IL18: variants seen among roughly 807,000 people sequenced by gnomAD.
IL18 encodes interleukin 18, also known as interleukin-18.
IL18 carries 8 observed loss-of-function variants against 14.2 expected under a neutral mutation model. That is an observed-to-expected ratio of 0.56 (90% CI 0.33 to 1.01). The LOEUF is 1.01. IL18 is among the 50% of genes least tolerant of loss of function. IL18 has a pLI of 0.03. For synonymous variants in IL18, 67 were observed against 71.0 expected (o/e 0.94, Z 0.28); for missense variants, 166 against 231.1 (o/e 0.72, Z 1.83).
chr11:112,150,869 T>C (rs1417415456), intron 3 of IL18: 1 of 152,278 alleles, frequency 6.6e-6, no homozygotes, highest in Non-Finnish European at 1.5e-5. Flanking sequence ...AATGATTTCC[T>C]GCTACTCCAC....
At chr11:112,153,936 A>AAAGTCAAC (rs1194667014) in intron 2 of IL18, among the ~76,000 whole-genome samples, 1 of 152,154 alleles carries the variant, frequency 6.6e-6, no homozygotes. Context: ...TCACCTAAGA[A>AAAGTCAAC]AAGTCAACTA....
intron 5 of IL18, among the ~76,000 whole-genome samples, chr11:112,147,854 T>C (rs1186260841): frequency 2.6e-5 from 4 of 152,344 alleles, no homozygotes; most frequent in African/African-American, 7.2e-5. Context: ...CTCTGAAGCA[T>C]TGCCAATTTG....
At position 112,143,630 on chromosome 11, in the gene IL18, C is replaced by G. The variant is rs1447899521; in HGVS notation, c.548G>C (p.Arg183Thr). The G allele has an allele frequency of 1.2e-6, 2 of 1,612,372 alleles. No homozygotes were observed. The highest frequency in any genetic ancestry group is 1.7e-6 in the Non-Finnish European group (2 of 1,178,940). Residue 183 changes from arginine (R) to threonine (T), a missense_variant, in exon 6 of 6, where the codon AGA becomes ACA. Physicochemically the swap from Arg to Thr is moderately conservative, Grantham distance 71 (BLOSUM62 -1). Coordinates refer to ENST00000280357, the MANE Select transcript of IL18 (RefSeq NM_001562.4). ...GTTTTGAACAGTGAACATTATAGATCTATCCCCCAATTCATCCTCTTTTTT... is the reference window on the plus strand; with the variant it reads ...GTTTTGAACAGTGAACATTATAGATGTATCCCCCAATTCATCCTCTTTTTT... The part of the protein sequence containing the change: ...ILKKEDELGD[R>T]SIMFTVQNED
At chr11:112,148,511 C>T (rs1004642225) in intron 5 of IL18, 92 bp downstream of exon 5, 69 of 644,250 alleles carry the variant, frequency 1.1e-4, no homozygotes, top group Admixed American at 5.4e-4. Context: ...TTTCTAATTA[C>T]ATTACTTATA....
intron 5 of IL18, among the ~76,000 whole-genome samples, chr11:112,145,800 G>A (rs1299472156): frequency 6.6e-6 from 1 of 152,060 alleles, no homozygotes; most frequent in African/African-American, 2.4e-5. Context: ...CGAGAGTGTG[G>A]ATAGGTAGAA....
rs569804667 is a variant in IL18 at position 112,149,300 on chromosome 11, TCAAA to T, written c.227-568_227-565del. The stretch of plus-strand genomic sequence containing the variant: ...CTGGGTGACAGAGTGAAACTGCATC[TCAAA>T]CAAACAAACAACCCCACAGTTTAAT... On this transcript the variant is annotated intron_variant, in intron 4 of 5. Transcript: ENST00000280357. Among the ~76,000 whole-genome samples, 399 of 150,194 alleles carry T rather than the reference TCAAA, an allele frequency of 2.7e-3. 2 individuals are homozygous for T. Among genetic ancestry groups the T allele is most frequent in the African/African-American group, 9.3e-3 (381 of 41,038 alleles).
At chr11:112,154,712 G>T (rs2135318615) in intron 2 of IL18, among the ~76,000 whole-genome samples, 1 of 152,298 alleles carries the variant, frequency 6.6e-6, no homozygotes, top group East Asian at 1.9e-4. Context: ...CATGAAAACT[G>T]GGATTTTCAT....
intron 5 of IL18, among the ~76,000 whole-genome samples, chr11:112,145,567 G>A (rs1438346321): frequency 1.3e-5 from 2 of 151,936 alleles, no homozygotes. Context: ...GTGAAACCCC[G>A]TCTCTACTAA....
chr11:112,148,671 C>A lies in IL18; in HGVS notation c.292G>T (p.Val98Leu). 6.6e-7 allele frequency: 1 copy of A among 1,507,154 alleles called. No homozygotes were observed. The highest frequency in any genetic ancestry group is 8.9e-7 in the Non-Finnish European group (1 of 1,117,412). 93.4% of individuals were successfully genotyped at this position (1,507,154 alleles called of 1,614,324 possible). ...TTCTCACACTTCACAGAGATAGTTA[C>A]AGCCATACCTCTAGGCTGGCTATCT... is the stretch of plus-strand genomic sequence containing the variant. The part of the protein sequence containing the change: ...YKDSQPRGMA[V>L]TISVKCEKIS... The change falls in exon 5 of 6, where the codon GTA (valine) becomes TTA (leucine). Residue 98 changes from valine (V) to leucine (L), a missense_variant. Physicochemically the swap from Val to Leu is conservative, Grantham distance 32 (BLOSUM62 1). Transcript: ENST00000280357.
At chr11:112,163,680 A>G (rs1439319277) in intron 1 of IL18, among the ~76,000 whole-genome samples, 3 of 152,194 alleles carry the variant, frequency 2.0e-5, no homozygotes, top group African/African-American at 7.2e-5. Flanking sequence ...GTGTAAAGGG[A>G]ACATGAGAGC....
chr11:112,162,415 C>G (rs1433543715), intron 1 of IL18, among the ~76,000 whole-genome samples: 2 of 150,340 alleles, frequency 1.3e-5, no homozygotes, highest in African/African-American at 4.9e-5. Context: ...GCAAACATGG[C>G]TCACTGTAGC....
chr11:112,153,729 G>C (rs1866486585), intron 2 of IL18, 126 bp from the exon 3 acceptor site: 1 of 587,522 alleles, frequency 1.7e-6, no homozygotes. Flanking sequence ...ATGGTTTAAG[G>C]GTCTGTCTTG....
chr11:112,150,170 G>C lies in IL18; in HGVS notation c.128C>G (p.Ser43Cys). ...CAAATTTCTTATGACTGATAATTTA[G>C]ATTCAAGCTTGCCAAAGTAATCTGA... ...LESDYFGKLE[S>C]KLSVIRNLND... The change falls in exon 4 of 6, where the codon TCT becomes TGT. Residue 43 changes from serine (S) to cysteine (C), a missense_variant. Ser to Cys is a moderately radical substitution (Grantham distance 112). Coordinates refer to ENST00000280357, the MANE Select transcript of IL18 (RefSeq NM_001562.4). 2 of 1,592,380 alleles carry C rather than the reference G, an allele frequency of 1.3e-6. No individual in the cohort carries two copies. Among genetic ancestry groups the C allele is most frequent in the Non-Finnish European group, 1.7e-6 (2 of 1,161,720 alleles).
At chr11:112,153,219 G>C (rs771397624) in intron 3 of IL18, 10 of 172,844 alleles carry the variant, frequency 5.8e-5, no homozygotes, top group Non-Finnish European at 1.2e-4. Context: ...AAGCATTTCT[G>C]AGAGGAGGTG....
Position 112,143,820 on chromosome 11 carries a change from A to G in IL18, c.361-3T>C, listed in dbSNP as rs760993192. ...ATGTTATCAGGAGGATTCATTTCCTATAGAGAAAAAAACATTACCTAATTA... is the reference window on the plus strand; with the variant it reads ...ATGTTATCAGGAGGATTCATTTCCTGTAGAGAAAAAAACATTACCTAATTA... On this transcript the variant is annotated splice_region_variant and splice_polypyrimidine_tract_variant and intron_variant, in intron 5 of 5. Coordinates refer to ENST00000280357, the MANE Select transcript of IL18 (RefSeq NM_001562.4). The G allele has an allele frequency of 1.3e-6, 2 of 1,550,854 alleles. No individual in the cohort carries two copies. Among genetic ancestry groups the G allele is most frequent in the East Asian group, 2.3e-5 (1 of 44,424 alleles).
At chr11:112,152,344 CTA>C (rs746314239) in intron 3 of IL18, among the ~76,000 whole-genome samples, 1 of 152,192 alleles carries the variant, frequency 6.6e-6, no homozygotes, top group Non-Finnish European at 1.5e-5. Context: ...CAGCACTCCC[CTA>C]TGTCTACCTT....
intron 4 of IL18, among the ~76,000 whole-genome samples, chr11:112,149,373 A>T (rs1057493461): frequency 2.0e-5 from 3 of 152,042 alleles, no homozygotes; most frequent in Non-Finnish European, 4.4e-5. Flanking sequence ...AGTATTTTAA[A>T]GATATGAATT....
intron 2 of IL18, among the ~76,000 whole-genome samples, chr11:112,154,264 C>T (rs1866494826): frequency 6.6e-6 from 1 of 152,066 alleles, no homozygotes; most frequent in Non-Finnish European, 1.5e-5. Context: ...GTGGTTCATG[C>T]CTGTAATCCC....
At chr11:112,159,266 C>G (rs369095385) in intron 1 of IL18, among the ~76,000 whole-genome samples, 7 of 151,726 alleles carry the variant, frequency 4.6e-5, no homozygotes, top group African/African-American at 1.7e-4. Context: ...CTGCTTAAAC[C>G]CAGGAGGCTG....
Sources: gnomAD v4.1 joint callset for allele counts (sites outside exome capture counted in the v4.1 genomes callset) on GRCh38, gnomAD v4.1.1 for gene constraint, MANE v1.5 for transcripts, NCBI Gene and HGNC (gene_info 2026-07-23, HGNC 2026-07-21) for gene names.